The following PDXDC1 variants were observed in gnomAD, a reference collection of about 807,000 sequenced individuals.
PDXDC1 encodes the protein pyridoxal dependent decarboxylase domain containing 1, also known as pyridoxal-dependent decarboxylase domain-containing protein 1.
Under a neutral mutation model 100.1 loss-of-function variants are expected in PDXDC1, and 42 were observed. That is an observed-to-expected ratio of 0.42 (90% CI 0.33 to 0.54). PDXDC1 has a LOEUF of 0.54. Ranked by LOEUF, PDXDC1 falls within the 20% of genes least tolerant of loss-of-function variation. PDXDC1 has a pLI of 0.10. For synonymous variants in PDXDC1, 260 were observed against 371.7 expected (o/e 0.70, Z 3.46); for missense variants, 636 against 979.2 (o/e 0.65, Z 4.68).
In PDXDC1 at chr16:15,031,800, C is replaced by T. The variant is rs200375314; in HGVS notation, c.1465C>T (p.Leu489=). The T allele has an allele frequency of 1.2e-5, 20 of 1,613,792 alleles. No individual in the cohort carries two copies. In the East Asian group the frequency reaches 4.2e-4, roughly 34 times the overall value. The change falls in exon 17 of 23, where the codon CTG becomes TTG. Residue 489 remains leucine (L), a synonymous_variant. Coordinates refer to ENST00000396410, the MANE Select transcript of PDXDC1 (RefSeq NM_015027.4). The part of the protein sequence containing the change: ...VACIESKLPV[L]CCTLQLREEF... ...CTGCATAGAAAGCAAACTGCCAGTG[C>T]TGTGCTGTACGCTCCAGTTGCGTGA...
rs181030800 is a variant in PDXDC1 at position 15,083,637 on chromosome 16, T to C, written c.1399+53581T>C. On this transcript the variant is annotated intron_variant, in intron 16 of 16. Coordinates refer to the PDXDC1 transcript ENST00000535621. ...TTAACTTTACTTTCTAGAAAAGGAA[T>C]AAAAAGGAAAACTACCATTCTAAAA... The C allele has an allele frequency of 5.8e-5, 92 of 1,574,928 alleles. No homozygotes were observed. The African/African-American group carries it at 1.0e-3, about 17-fold the overall frequency.
intron 16 of PDXDC1, chr16:15,104,251 C>T: frequency 7.6e-7 from 1 of 1,315,254 alleles, no homozygotes; most frequent in Non-Finnish European, 1.0e-6. Context: ...TTAAAAACCT[C>T]AGGTCCCTCA....
At chr16:15,126,703 C>CTGGA (rs2047752145) in intron 16 of PDXDC1, 1 of 77,736 alleles carries the variant, frequency 1.3e-5, no homozygotes, top group South Asian at 4.4e-4. Flanking sequence ...GTTGCCCAGG[C>CTGGA]TGGAGTGCAG....
At position 15,092,557 on chromosome 16, in the gene PDXDC1, A is replaced by G. The variant is rs140745047; in HGVS notation, c.1400-46322A>G. 393 of 1,613,730 alleles carry G rather than the reference A, an allele frequency of 2.4e-4. 3 individuals are homozygous for G. Among genetic ancestry groups the G allele is most frequent in the Non-Finnish European group, 1.8e-4 (213 of 1,179,652 alleles). On this transcript the variant is annotated intron_variant, in intron 16 of 16. Transcript: ENST00000535621. ...CTGTCACAGTTCCACCAAACCGAAC[A>G]GTTTTTCTTGGGGGAGAATTGAAAA...
chr16:14,985,390 C>T (rs1261594828), intron 1 of PDXDC1, among the ~76,000 whole-genome samples: 1 of 152,080 alleles, frequency 6.6e-6, no homozygotes, highest in East Asian at 1.9e-4. Context: ...CGGGTTCACG[C>T]CATTCTCCTG....
At chr16:15,051,698 ATTT>A (rs61437077) in intron 16 of PDXDC1, among the ~76,000 whole-genome samples, 2 of 122,380 alleles carry the variant, frequency 1.6e-5, no homozygotes, top group Admixed American at 8.3e-5. Flanking sequence ...TTTATTTTTA[ATTT>A]TTTTTTTTTT....
At chr16:15,041,597 G>A (rs1156734639), downstream of PDXDC1, 3 of 1,573,592 alleles carry the variant, frequency 1.9e-6, no homozygotes, top group African/African-American at 4.0e-5. Context: ...CCACATCTTT[G>A]CTTTGGGGCA....
In PDXDC1 at chr16:15,085,626, T is replaced by A. The variant is rs746913772; in HGVS notation, c.1400-53253T>A. ...AGCTACTGTGCCCAGGCTTTAAACC[T>A]TTTTATACTTACTATCATCTTCATC... On this transcript the variant is annotated intron_variant, in intron 16 of 16. Transcript: ENST00000535621. The A allele has an allele frequency of 5.0e-6, 8 of 1,611,294 alleles. No homozygotes were observed. The East Asian group carries it at 1.6e-4, about 31-fold the overall frequency.
intron 16 of PDXDC1, among the ~76,000 whole-genome samples, chr16:15,089,475 A>G (rs2046032523): frequency 6.6e-6 from 1 of 152,098 alleles, no homozygotes; most frequent in African/African-American, 2.4e-5. Flanking sequence ...ACCAAATTTA[A>G]GATCAAGAAA....
chr16:15,109,886 G>C (rs1353893903), intron 16 of PDXDC1, among the ~76,000 whole-genome samples: 47 of 142,492 alleles, frequency 3.3e-4, no homozygotes, highest in Middle Eastern at 3.6e-3. Context: ...GGGTGTGGTG[G>C]CTCACGCCTC....
At chr16:15,032,020 T>C in intron 17 of PDXDC1, 114 bp downstream of exon 17, 1 of 933,926 alleles carries the variant, frequency 1.1e-6, no homozygotes, top group Non-Finnish European at 1.6e-6. Context: ...CACAATATGC[T>C]TAACGAAAAT....
At chr16:15,040,957 G>T, downstream of PDXDC1, 1 of 779,704 alleles carries the variant, frequency 1.3e-6, no homozygotes, top group Non-Finnish European at 2.3e-6. Context: ...GCTGGGATCT[G>T]AACCCAAAGC....
At chr16:15,125,468 C>G (rs1275722241) in intron 16 of PDXDC1, 14 of 897,254 alleles carry the variant, frequency 1.6e-5, no homozygotes, top group Non-Finnish European at 2.4e-5. Flanking sequence ...AGACACCCAG[C>G]AAGGACACGC....
chr16:15,030,949 T>G (rs1182040358), intron 16 of PDXDC1, among the ~76,000 whole-genome samples: 3 of 151,068 alleles, frequency 2.0e-5, no homozygotes, highest in Non-Finnish European at 1.5e-5. Flanking sequence ...GGATCTGTGT[T>G]TTGGTTTTTA....
At chr16:15,025,800 T>C (rs1433079852) in intron 13 of PDXDC1, 3 of 152,710 alleles carry the variant, frequency 2.0e-5, no homozygotes, top group African/African-American at 7.2e-5. Flanking sequence ...GCCAAGGACA[T>C]GGATGCTTAC....
chr16:15,150,212 C>T, the PDXDC1 span, among the ~76,000 whole-genome samples: 4 of 151,946 alleles, frequency 2.6e-5, no homozygotes, highest in Admixed American at 6.5e-5. Flanking sequence ...GGCATGGTGG[C>T]GGGCACCAGT....
At chr16:14,980,539 G>A (rs1967726970) in intron 1 of PDXDC1, among the ~76,000 whole-genome samples, 1 of 152,274 alleles carries the variant, frequency 6.6e-6, no homozygotes, top group Admixed American at 6.5e-5. Flanking sequence ...AGGCTGGAGT[G>A]CAGTGGCACA....
chr16:15,058,100 A>G (rs1332018311), intron 16 of PDXDC1, among the ~76,000 whole-genome samples: 1 of 152,080 alleles, frequency 6.6e-6, no homozygotes, highest in East Asian at 1.9e-4. Context: ...ACTTGAGCCC[A>G]GAAGTTCGAG....
intron 16 of PDXDC1, chr16:15,094,173 C>G (rs1161260542): frequency 1.4e-5 from 23 of 1,602,294 alleles, no homozygotes; most frequent in African/African-American, 2.7e-5. Context: ...AGCTTCTTAA[C>G]TGCAGAGGAC....
Sources: gnomAD v4.1 joint callset for allele counts (sites outside exome capture counted in the v4.1 genomes callset) on GRCh38, gnomAD v4.1.1 for gene constraint, MANE v1.5 for transcripts, NCBI Gene and HGNC (gene_info 2026-07-23, HGNC 2026-07-21) for gene names.